Variants in LSAMP observed in about 807,000 individuals in gnomAD.
LSAMP encodes limbic system-associated membrane protein.
In LSAMP, 7 loss-of-function variants were observed where a neutral mutation model predicts 38.6. That is an observed-to-expected ratio of 0.18 (90% CI 0.10 to 0.34). The LOEUF (loss-of-function observed/expected upper bound fraction) is 0.34. Among genes scored for constraint, LSAMP ranks in the 10% least tolerant of loss-of-function variants. LSAMP has a pLI of 1.00. For missense variants in LSAMP, 313 were observed against 420.0 expected, an observed-to-expected ratio of 0.75 and a Z score of 2.23; for synonymous variants, 154 against 166.8, an observed-to-expected ratio of 0.92 and a Z score of 0.59.
intron 1 of LSAMP, among the ~76,000 whole-genome samples, chr3:116,168,301 A>G (rs1710110503): frequency 6.6e-6 from 1 of 152,134 alleles, no homozygotes; most frequent in African/African-American, 2.4e-5. Context: ...TCTCTGTGCC[A>G]TGGTGGGAGG....
chr3:115,966,336 C>T (rs4306851), intron 3 of LSAMP, among the ~76,000 whole-genome samples: 37,200 of 152,048 alleles, frequency 0.24, 5,203 homozygotes, highest in African/African-American at 0.4. Context: ...TCTGGAATAA[C>T]CACCTCCAGG....
chr3:116,135,155 T>C (rs1709220545), intron 1 of LSAMP, among the ~76,000 whole-genome samples: 1 of 152,116 alleles, frequency 6.6e-6, no homozygotes, highest in Non-Finnish European at 1.5e-5. Flanking sequence ...ATCTCACAGC[T>C]CATAAATGGC....
chr3:115,825,654 T>C (rs890981392), intron 6 of LSAMP, among the ~76,000 whole-genome samples: 2 of 152,230 alleles, frequency 1.3e-5, no homozygotes, highest in Non-Finnish European at 2.9e-5. Context: ...GTCCTGAGTG[T>C]AATATAGGTG....
At chr3:115,912,204 T>A (rs1158656006) in intron 3 of LSAMP, among the ~76,000 whole-genome samples, 5 of 152,250 alleles carry the variant, frequency 3.3e-5, no homozygotes. Flanking sequence ...ATGCTTTTGA[T>A]GTCAAGCCTA....
chr3:115,947,348 A>G (rs901049816), intron 3 of LSAMP, among the ~76,000 whole-genome samples: 24 of 152,230 alleles, frequency 1.6e-4, no homozygotes, highest in African/African-American at 5.8e-4. Context: ...AGGAAGAACT[A>G]AAACTCCCAT....
intron 1 of LSAMP, among the ~76,000 whole-genome samples, chr3:116,348,468 A>G (rs900117792): frequency 1.8e-4 from 28 of 152,086 alleles, no homozygotes; most frequent in African/African-American, 6.8e-4. Flanking sequence ...ATCCTGTCCT[A>G]TGAGAAGGAA....
intron 1 of LSAMP, among the ~76,000 whole-genome samples, chr3:116,282,537 G>A (rs34279063): frequency 0.057 from 8,669 of 152,140 alleles, 315 homozygotes; most frequent in Middle Eastern, 0.11. Context: ...AGCAGTAATA[G>A]GAAACACATC....
intron 1 of LSAMP, among the ~76,000 whole-genome samples, chr3:116,368,892 T>C (rs1048007188): frequency 1.3e-5 from 2 of 152,170 alleles, no homozygotes; most frequent in Non-Finnish European, 2.9e-5. Flanking sequence ...ATAAAATTCA[T>C]GGCTAAGAAG....
chr3:116,351,724 G>A (rs75213675), intron 1 of LSAMP, among the ~76,000 whole-genome samples: 3,935 of 152,146 alleles, frequency 0.026, 159 homozygotes, highest in African/African-American at 0.086. Context: ...CAGCTGAAAT[G>A]TGAAAGATTC....
chr3:115,987,060 T>G (rs765538587), intron 3 of LSAMP, among the ~76,000 whole-genome samples: 2 of 152,164 alleles, frequency 1.3e-5, no homozygotes, highest in Non-Finnish European at 2.9e-5. Flanking sequence ...TTTTCTCCCT[T>G]AGGGAGAAGG....
chr3:115,897,231 T>C (rs1936751639), intron 3 of LSAMP, among the ~76,000 whole-genome samples: 2 of 152,080 alleles, frequency 1.3e-5, no homozygotes, highest in African/African-American at 4.8e-5. Context: ...TCCCCTCATT[T>C]GGCCAGGGTT....
chr3:116,435,911 T>C (rs1199033855), intron 1 of LSAMP, among the ~76,000 whole-genome samples: 1 of 152,044 alleles, frequency 6.6e-6, no homozygotes, highest in African/African-American at 2.4e-5. Flanking sequence ...GAAACTCGGC[T>C]GTAGTAAATG....
intron 1 of LSAMP, among the ~76,000 whole-genome samples, chr3:116,400,160 T>C (rs1278876706): frequency 6.6e-6 from 1 of 152,242 alleles, no homozygotes; most frequent in East Asian, 1.9e-4. Context: ...TAGCTGACTA[T>C]TTTGTTCTTG....
At chr3:116,199,143 G>C (rs1037910143) in intron 1 of LSAMP, among the ~76,000 whole-genome samples, 12 of 151,590 alleles carry the variant, frequency 7.9e-5, no homozygotes, top group Non-Finnish European at 1.6e-4. Context: ...AGAAAAATTA[G>C]GGTTGAGATG....
At chr3:115,909,405 T>C (rs542751906) in intron 3 of LSAMP, among the ~76,000 whole-genome samples, 1 of 152,342 alleles carries the variant, frequency 6.6e-6, no homozygotes, top group South Asian at 2.1e-4. Context: ...GAGCTCCAAA[T>C]GAATGGCAAA....
At position 115,802,629 on chromosome 3, in the gene LSAMP, C is replaced by CA. The variant is rs1292463852; in HGVS notation, c.*7687dup. ...AACAAAAATGAAAAACCTTGAAAAA[C>CA]AAAAAATCCCAAACAAAAAATGGCC... On this transcript the variant is annotated 3_prime_UTR_variant, in exon 7 of 7. Transcript: ENST00000490035. 1 of 149,664 alleles carries CA rather than the reference C, an allele frequency of 6.7e-6. No individual in the cohort carries two copies. Among genetic ancestry groups the CA allele is most frequent in the East Asian group, 1.9e-4 (1 of 5,138 alleles). The allele number at this position is 149,664 out of a possible 1,614,324, so 9.3% of individuals were successfully genotyped here. A position where few individuals can be genotyped will look rare whatever the true frequency, so the allele number is the denominator to read the frequency against.
At chr3:116,076,661 G>T (rs568188473) in intron 2 of LSAMP, among the ~76,000 whole-genome samples, 2 of 152,132 alleles carry the variant, frequency 1.3e-5, no homozygotes, top group South Asian at 4.1e-4. Flanking sequence ...GTAATTTTTA[G>T]ATACATAAAA....
chr3:115,899,248 A>G (rs757904686), intron 3 of LSAMP, among the ~76,000 whole-genome samples: 1 of 152,100 alleles, frequency 6.6e-6, no homozygotes, highest in Non-Finnish European at 1.5e-5. Context: ...ATGCATTTAT[A>G]TAGGTACAAA....
Position 115,854,273 on chromosome 3 carries a change from A to T in LSAMP, c.515-1656T>A, listed in dbSNP as rs1404233149. Among the ~76,000 whole-genome samples the T allele has an allele frequency of 1.8e-3, 213 of 119,456 alleles. 3 individuals are homozygous for T. The highest frequency in any genetic ancestry group is 5.0e-3 in the African/African-American group (152 of 30,252). The allele number at this position is 119,456 out of a possible 152,430, so 78.4% of individuals were successfully genotyped here. ...AAATATTATTATTATTATTATTATT[A>T]TTATTATTATTTTTTTTTTTTTTTT... On this transcript the variant is annotated intron_variant, in intron 3 of 6. Coordinates refer to ENST00000490035, the MANE Select transcript of LSAMP (RefSeq NM_002338.5).
Sources: allele counts gnomAD v4.1 joint callset (sites outside exome capture counted in the v4.1 genomes callset), GRCh38; gene constraint gnomAD v4.1.1; transcripts MANE v1.5; gene names NCBI Gene and HGNC (gene_info 2026-07-23, HGNC 2026-07-21).